The following PTPRD variants were observed in gnomAD, a reference collection of about 807,000 sequenced individuals.
PTPRD encodes receptor-type tyrosine-protein phosphatase delta.
PTPRD carries 34 observed loss-of-function variants against 214.5 expected under a neutral mutation model. That is an observed-to-expected ratio of 0.16 (90% CI 0.12 to 0.21). The LOEUF (loss-of-function observed/expected upper bound fraction) is 0.21, where lower values mean the gene tolerates loss of function less well. PTPRD is among the 10% of genes least tolerant of loss of function. The probability of loss-of-function intolerance (pLI) is 1.00; values close to 1 mark genes in which losing one functional copy is unlikely to be tolerated. For synonymous variants in PTPRD, 1,128 were observed against 845.7 expected, an observed-to-expected ratio of 1.33 and a Z score of -5.79; for missense variants, 2,545 against 2,398.7, an observed-to-expected ratio of 1.06 and a Z score of -1.27.
intron 11 of PTPRD, among the ~76,000 whole-genome samples, chr9:8,848,696 C>T (rs78268992): frequency 0.013 from 2,021 of 151,878 alleles, 44 homozygotes; most frequent in African/African-American, 0.047. Flanking sequence ...TTTTTAAAAT[C>T]ATGTCATATA....
At chr9:9,634,883 G>C (rs2095708224) in intron 7 of PTPRD, among the ~76,000 whole-genome samples, 3 of 152,234 alleles carry the variant, frequency 2.0e-5, no homozygotes, top group South Asian at 4.1e-4. Context: ...GTGCTATTTT[G>C]AATGTTAGCT....
At chr9:8,380,107 A>G (rs1438489274) in intron 37 of PTPRD, among the ~76,000 whole-genome samples, 2 of 152,150 alleles carry the variant, frequency 1.3e-5, no homozygotes, top group East Asian at 3.9e-4. Flanking sequence ...TGTTGTTATA[A>G]ATTACCTAAA....
chr9:10,296,609 T>C (rs2095682500), intron 3 of PTPRD, among the ~76,000 whole-genome samples: 1 of 152,074 alleles, frequency 6.6e-6, no homozygotes, highest in South Asian at 2.1e-4. Flanking sequence ...ACTCTACTCC[T>C]TGCCTCAGTC....
intron 4 of PTPRD, among the ~76,000 whole-genome samples, chr9:9,943,682 A>G (rs1159968072): frequency 6.6e-6 from 1 of 152,154 alleles, no homozygotes; most frequent in Non-Finnish European, 1.5e-5. Flanking sequence ...GCAACATCTG[A>G]ATAAGAATTT....
chr9:9,352,940 T>A (rs2052040526), intron 9 of PTPRD, among the ~76,000 whole-genome samples: 2 of 151,976 alleles, frequency 1.3e-5, no homozygotes, highest in South Asian at 4.1e-4. Context: ...CTCTAATGGA[T>A]ACAAAAGAGA....
chr9:10,106,007 C>T (rs1279253138), intron 3 of PTPRD, among the ~76,000 whole-genome samples: 2 of 72,142 alleles, frequency 2.8e-5, no homozygotes, highest in South Asian at 5.8e-4. Flanking sequence ...TGATCTATCA[C>T]ATATTCAAAA....
intron 2 of PTPRD, among the ~76,000 whole-genome samples, chr9:10,398,675 G>C (rs1393499798): frequency 1.3e-5 from 2 of 151,958 alleles, no homozygotes; most frequent in Non-Finnish European, 2.9e-5. Flanking sequence ...GTGTTGTTAT[G>C]AGGAGCAGAG....
intron 44 of PTPRD, among the ~76,000 whole-genome samples, chr9:8,324,101 ATTT>A (rs200231613): frequency 2.8e-5 from 4 of 145,440 alleles, no homozygotes; most frequent in African/African-American, 1.0e-4. Context: ...GATGATTAGC[ATTT>A]TTTTTTTTTT....
chr9:10,168,666 A>G (rs957539879), intron 3 of PTPRD, among the ~76,000 whole-genome samples: 1 of 152,216 alleles, frequency 6.6e-6, no homozygotes, highest in African/African-American at 2.4e-5. Flanking sequence ...TTTTAGCCAA[A>G]AAAGTATTTA....
At chr9:10,468,117 G>T (rs2099006467) in intron 2 of PTPRD, among the ~76,000 whole-genome samples, 1 of 152,172 alleles carries the variant, frequency 6.6e-6, no homozygotes, top group African/African-American at 2.4e-5. Flanking sequence ...TCTAGAACCA[G>T]AAATACCATT....
At chr9:9,794,201 G>GTATATA (rs112615686) in intron 5 of PTPRD, among the ~76,000 whole-genome samples, 2 of 147,030 alleles carry the variant, frequency 1.4e-5, no homozygotes, top group African/African-American at 5.0e-5. Flanking sequence ...GTGTGTGTGT[G>GTATATA]TATATATATA....
At chr9:9,407,506 G>A (rs1250082036) in intron 8 of PTPRD, among the ~76,000 whole-genome samples, 1 of 151,738 alleles carries the variant, frequency 6.6e-6, no homozygotes, top group African/African-American at 2.4e-5. Flanking sequence ...GGATACCTCT[G>A]AATAATAGGA....
At chr9:10,391,865 C>A (rs1044289246) in intron 2 of PTPRD, among the ~76,000 whole-genome samples, 1 of 151,810 alleles carries the variant, frequency 6.6e-6, no homozygotes, top group Non-Finnish European at 1.5e-5. Flanking sequence ...CACTGCTACT[C>A]ATGGCATCTT....
chr9:10,095,276 G>C (rs1341160866), intron 3 of PTPRD, among the ~76,000 whole-genome samples: 1 of 151,298 alleles, frequency 6.6e-6, no homozygotes, highest in Non-Finnish European at 1.5e-5. Flanking sequence ...TAAGATAAAA[G>C]TACCCAATAT....
intron 5 of PTPRD, among the ~76,000 whole-genome samples, chr9:9,791,638 G>T (rs1490177327): frequency 1.3e-5 from 2 of 151,976 alleles, no homozygotes; most frequent in African/African-American, 4.8e-5. Context: ...TACATTATTT[G>T]CAGGGAGGAA....
intron 11 of PTPRD, among the ~76,000 whole-genome samples, chr9:8,739,824 T>G (rs1341044017): frequency 6.6e-6 from 1 of 152,148 alleles, no homozygotes; most frequent in Non-Finnish European, 1.5e-5. Context: ...CCTGTGCTGT[T>G]CCCATGATAG....
At chr9:10,133,270 C>G (rs1437853157) in intron 3 of PTPRD, among the ~76,000 whole-genome samples, 1 of 151,942 alleles carries the variant, frequency 6.6e-6, no homozygotes, top group Non-Finnish European at 1.5e-5. Flanking sequence ...ACTGAAGAGA[C>G]TAAGCAAATG....
chr9:10,398,996 G>A (rs577036453), intron 2 of PTPRD, among the ~76,000 whole-genome samples: 7 of 151,992 alleles, frequency 4.6e-5, no homozygotes, highest in Non-Finnish European at 8.8e-5. Context: ...CTGGCATGAT[G>A]AGAATGTCTA....
chr9:10,274,645 A>C (rs1211797014), intron 3 of PTPRD, among the ~76,000 whole-genome samples: 1 of 152,152 alleles, frequency 6.6e-6, no homozygotes. Context: ...CATAGTTACA[A>C]ATGTCTAGTA....
Sources: gnomAD v4.1 joint callset for allele counts (sites outside exome capture counted in the v4.1 genomes callset) on GRCh38, gnomAD v4.1.1 for gene constraint, MANE v1.5 for transcripts, NCBI Gene and HGNC (gene_info 2026-07-23, HGNC 2026-07-21) for gene names.